The following SORBS2 variants were observed in gnomAD, a reference collection of about 807,000 sequenced individuals.
SORBS2 encodes the protein sorbin and SH3 domain containing 2, also known as sorbin and SH3 domain-containing protein 2.
SORBS2 carries 46 observed loss-of-function variants against 97.7 expected under a neutral mutation model. The observed-to-expected ratio is 0.47, with a 90% CI of 0.37 to 0.60. The LOEUF is 0.60. Among genes scored for constraint, SORBS2 ranks in the 20% least tolerant of loss-of-function variants. The probability of loss-of-function intolerance (pLI) is 0.00; values close to 1 mark genes in which losing one functional copy is unlikely to be tolerated. For synonymous variants in SORBS2, 476 were observed against 473.4 expected, an observed-to-expected ratio of 1.01 and a Z score of -0.07; for missense variants, 1,316 against 1,282.3, an observed-to-expected ratio of 1.03 and a Z score of -0.40.
chr4:185,773,311 C>T lies in SORBS2; in HGVS notation c.-198+1916G>A, dbSNP rs534955451. 5 of 152,298 alleles carry T rather than the reference C, an allele frequency of 3.3e-5. No homozygotes were observed. In the South Asian group the frequency reaches 1.0e-3, roughly 32 times the overall value. 9.4% of individuals were successfully genotyped at this position (152,298 alleles called of 1,614,324 possible). ...TAACGGGAGGATTTAAAATGGTAAC[C>T]ATACACATAAATGCGATGATTGACA... On this transcript the variant is annotated intron_variant, in intron 2 of 20. Coordinates refer to the SORBS2 transcript ENST00000284776.
intron 12 of SORBS2, chr4:185,594,143 G>A (rs766410153): frequency 1.0e-4 from 56 of 549,526 alleles, no homozygotes; most frequent in Non-Finnish European, 1.6e-4. Flanking sequence ...AATAAGCAAG[G>A]TCAAATGTTT....
intron 1 of SORBS2, among the ~76,000 whole-genome samples, chr4:185,806,558 C>G (rs940426669): frequency 1.4e-5 from 2 of 147,834 alleles, no homozygotes; most frequent in Non-Finnish European, 3.0e-5. Flanking sequence ...CCCGGGTTCA[C>G]GCCATTCTCC....
intron 1 of SORBS2, among the ~76,000 whole-genome samples, chr4:185,899,898 G>A (rs958594810): frequency 1.3e-5 from 2 of 152,180 alleles, no homozygotes; most frequent in Admixed American, 1.3e-4. Context: ...GAGTTAGGCT[G>A]TGGCCACAGC....
intron 4 of SORBS2, chr4:185,665,654 G>T: frequency 1.5e-6 from 1 of 657,814 alleles, no homozygotes; most frequent in Non-Finnish European, 1.9e-6. Context: ...AAATAAAAAT[G>T]TCAGCCGAAA....
exon 15 of SORBS2, chr4:185,585,921 C>G (rs1235792056): frequency 1.3e-5 from 2 of 152,304 alleles, no homozygotes; most frequent in African/African-American, 2.4e-5. Context: ...CTTCTACGAT[C>G]TTTTAACTTC....
rs984064317 is a variant in SORBS2, at chr4:185,858,884, A to G, written c.-337-83518T>C. Among the ~76,000 whole-genome samples the G allele has an allele frequency of 2.0e-5, 3 of 152,354 alleles. No homozygotes were observed. The East Asian group carries it at 5.8e-4, about 29-fold the overall frequency. On this transcript the variant is annotated intron_variant, in intron 1 of 20. Transcript: ENST00000284776. ...GTAAAAGCAAAATCAGGCTAAGAACATCAACAGGAGTCTGGAGATTTGCAA... is the reference window on the plus strand; with the variant it reads ...GTAAAAGCAAAATCAGGCTAAGAACGTCAACAGGAGTCTGGAGATTTGCAA...
At chr4:185,902,265 A>G (rs1474317580) in intron 1 of SORBS2, among the ~76,000 whole-genome samples, 1 of 152,126 alleles carries the variant, frequency 6.6e-6, no homozygotes, top group East Asian at 1.9e-4. Context: ...ATACTTGAAG[A>G]CACAATGACA....
At chr4:185,861,595 T>C (rs1249977389) in intron 1 of SORBS2, among the ~76,000 whole-genome samples, 1 of 115,664 alleles carries the variant, frequency 8.6e-6, no homozygotes, top group African/African-American at 3.6e-5. Flanking sequence ...AAGATCTGAC[T>C]TCTATTTTTT....
At chr4:185,663,924 G>T (rs564263858) in intron 4 of SORBS2, among the ~76,000 whole-genome samples, 1 of 138,586 alleles carries the variant, frequency 7.2e-6, no homozygotes, top group Admixed American at 8.1e-5. Flanking sequence ...GCGCAGTCTC[G>T]GCTCACTGCA....
chr4:185,725,648 A>C (rs1050283266), intron 2 of SORBS2, among the ~76,000 whole-genome samples: 4 of 152,172 alleles, frequency 2.6e-5, no homozygotes, highest in African/African-American at 9.7e-5. Flanking sequence ...GCTGTTGTTC[A>C]TATAGTACTT....
chr4:185,633,160 T>C (rs1208804573), intron 4 of SORBS2, among the ~76,000 whole-genome samples: 1 of 152,238 alleles, frequency 6.6e-6, no homozygotes, highest in Non-Finnish European at 1.5e-5. Context: ...CTGTTCTTCA[T>C]TAATGCCAGT....
At chr4:185,788,445 C>T (rs1004417162) in intron 1 of SORBS2, among the ~76,000 whole-genome samples, 17 of 152,100 alleles carry the variant, frequency 1.1e-4, no homozygotes, top group African/African-American at 3.6e-4. Flanking sequence ...CACTCAAGTA[C>T]GGCAGTGTGA....
intron 12 of SORBS2, among the ~76,000 whole-genome samples, chr4:185,610,132 AT>A (rs2096509786): frequency 6.6e-6 from 1 of 152,224 alleles, no homozygotes; most frequent in South Asian, 2.1e-4. Flanking sequence ...GGGATCAAAA[AT>A]ATTATATTGC....
At chr4:185,611,877 A>G (rs1181904526) in exon 12 of SORBS2, 1 of 1,613,934 alleles carries the variant, frequency 6.2e-7, no homozygotes, top group East Asian at 2.2e-5. Flanking sequence ...CTTCTTGACG[A>G]CCTCCACATA....
rs1406142591 is a variant in SORBS2 at position 185,589,792 on chromosome 4, C to T, written c.2847-7G>A. ...GTTATACAGAGCCTGAAACCTTAAA[C>T]AGGACAAGGGAATGTGTTTAAAAAC... On this transcript the variant is annotated splice_polypyrimidine_tract_variant and splice_region_variant and intron_variant, in intron 13 of 14. Transcript: ENST00000418609. The T allele has an allele frequency of 2.0e-6, 3 of 1,490,940 alleles. No homozygotes were observed. Among genetic ancestry groups the T allele is most frequent in the African/African-American group, 1.4e-5 (1 of 72,312 alleles). The allele number at this position is 1,490,940 out of a possible 1,614,324, so 92.4% of individuals were successfully genotyped here.
At chr4:185,814,517 G>A (rs900024613) in intron 1 of SORBS2, among the ~76,000 whole-genome samples, 11 of 152,014 alleles carry the variant, frequency 7.2e-5, no homozygotes, top group Admixed American at 6.6e-4. Context: ...TTCCAGCTTG[G>A]CAACAGAGGG....
chr4:185,741,648 G>A (rs773904847), intron 2 of SORBS2, among the ~76,000 whole-genome samples: 33 of 152,022 alleles, frequency 2.2e-4, no homozygotes, highest in Non-Finnish European at 4.1e-4. Context: ...ACAGGCGTGA[G>A]CCACCGCACC....
rs566672980 is a variant in SORBS2 at position 185,710,785 on chromosome 4, T to C, written c.-197-31963A>G. Among the ~76,000 whole-genome samples, 493 of 152,228 alleles carry C rather than the reference T, an allele frequency of 3.2e-3. 3 individuals are homozygous for C. Among genetic ancestry groups the C allele is most frequent in the African/African-American group, 0.011 (474 of 41,536 alleles). On this transcript the variant is annotated intron_variant, in intron 2 of 20. Coordinates refer to the SORBS2 transcript ENST00000284776. ...TGGCCAGCCTGTTGCTCATGCAGCG[T>C]GGGAGGTGAGCGGGCACAGTGCCCG...
At chr4:185,605,632 T>C (rs955953864) in intron 12 of SORBS2, among the ~76,000 whole-genome samples, 1 of 149,218 alleles carries the variant, frequency 6.7e-6, no homozygotes, top group Non-Finnish European at 1.5e-5. Context: ...TCACCCAGGC[T>C]GGAGTGCACT....
Sources: allele counts gnomAD v4.1 joint callset (sites outside exome capture counted in the v4.1 genomes callset), GRCh38; gene constraint gnomAD v4.1.1; transcripts MANE v1.5; gene names NCBI Gene and HGNC (gene_info 2026-07-23, HGNC 2026-07-21).